Variants in CADPS observed in about 807,000 individuals in gnomAD.
CADPS encodes calcium-dependent secretion activator 1.
Under a neutral mutation model 167.3 loss-of-function variants are expected in CADPS, and 57 were observed. The ratio of observed to expected loss-of-function variants is 0.34; its 90% CI spans 0.28 to 0.42. The LOEUF is 0.42. Ranked by LOEUF, CADPS falls within the 20% of genes least tolerant of loss-of-function variation. The pLI is 1.00. For missense variants in CADPS, 1,414 were observed against 1,738.1 expected (o/e 0.81, Z 3.32); for synonymous variants, 676 against 635.3 (o/e 1.06, Z -0.96).
At chr3:62,765,789 C>G in intron 2 of CADPS, 82 bp downstream of exon 2, 1 of 786,292 alleles carries the variant, frequency 1.3e-6, no homozygotes, top group Non-Finnish European at 2.1e-6. Flanking sequence ...ACCAAAACGA[C>G]TGTCCCCATT....
intron 13 of CADPS, among the ~76,000 whole-genome samples, chr3:62,525,736 C>T (rs1205137267): frequency 7.0e-6 from 1 of 143,800 alleles, no homozygotes; most frequent in Non-Finnish European, 1.5e-5. Context: ...TGTGTATGCA[C>T]GGGTATGAGA....
chr3:62,603,937 C>T (rs2060326503), intron 6 of CADPS, among the ~76,000 whole-genome samples: 1 of 151,982 alleles, frequency 6.6e-6, no homozygotes, highest in South Asian at 2.1e-4. Context: ...TGCCATTCTC[C>T]TGCCTCAGCT....
At chr3:62,461,815 T>C (rs2059383141) in intron 26 of CADPS, among the ~76,000 whole-genome samples, 2 of 152,190 alleles carry the variant, frequency 1.3e-5, no homozygotes, top group African/African-American at 4.8e-5. Flanking sequence ...CCGGATAATT[T>C]TCTTTCATTT....
chr3:62,626,470 C>A (rs2248013), intron 6 of CADPS: 356,164 of 700,644 alleles, frequency 0.51, 91,978 homozygotes, highest in Non-Finnish European at 0.53. Context: ...TGTGACTCTT[C>A]AAGCACAAAT....
chr3:62,795,378 G>T (rs367863467), intron 1 of CADPS, among the ~76,000 whole-genome samples: 5 of 151,996 alleles, frequency 3.3e-5, no homozygotes, highest in East Asian at 1.9e-4. Context: ...ATATGCCCTA[G>T]ATGTAAGCTC....
intron 3 of CADPS, among the ~76,000 whole-genome samples, chr3:62,671,393 TG>T (rs1433989705): frequency 6.6e-6 from 1 of 151,762 alleles, no homozygotes; most frequent in Non-Finnish European, 1.5e-5. Flanking sequence ...AAGAAGAGAG[TG>T]GGTGTTGTCT....
chr3:62,812,820 G>T (rs149585774), intron 1 of CADPS, among the ~76,000 whole-genome samples: 140 of 152,254 alleles, frequency 9.2e-4, no homozygotes, highest in African/African-American at 3.3e-3. Flanking sequence ...CCAGGCAAAT[G>T]ATTTATTTAT....
At chr3:62,684,520 A>G (rs995996283) in intron 3 of CADPS, among the ~76,000 whole-genome samples, 1 of 152,100 alleles carries the variant, frequency 6.6e-6, no homozygotes, top group Admixed American at 6.5e-5. Context: ...GTTACTGGGG[A>G]AAGAAAGATT....
rs1201402241 is a variant in CADPS at position 62,446,789 on chromosome 3, T to C, written c.3637-992A>G. Among the ~76,000 whole-genome samples the C allele has an allele frequency of 1.3e-5, 2 of 152,160 alleles. No individual in the cohort carries two copies. Among genetic ancestry groups the C allele is most frequent in the Non-Finnish European group, 2.9e-5 (2 of 68,032 alleles). ...TCTGTGTGTTTCATTTTGACTCAGGTCACACATGTTTCTCTAGGCACAATT... is the reference window on the plus strand; with the variant it reads ...TCTGTGTGTTTCATTTTGACTCAGGCCACACATGTTTCTCTAGGCACAATT... On this transcript the variant is annotated intron_variant, in intron 26 of 29. Coordinates refer to ENST00000383710, the MANE Select transcript of CADPS (RefSeq NM_003716.4). The surrounding 1 kb of genome is among the most constrained non-coding windows in gnomAD (Gnocchi z 4.9).
chr3:62,581,353 T>C (rs1322119241), intron 8 of CADPS, among the ~76,000 whole-genome samples: 1 of 151,910 alleles, frequency 6.6e-6, no homozygotes, highest in East Asian at 1.9e-4. Context: ...TTTTCTTCTA[T>C]TATGTCTTTT....
intron 16 of CADPS, chr3:62,513,724 G>T: frequency 6.4e-7 from 1 of 1,551,314 alleles, no homozygotes; most frequent in Non-Finnish European, 8.8e-7. Flanking sequence ...AGAGGATTTG[G>T]GCATGCAAGA....
intron 6 of CADPS, chr3:62,626,194 C>G (rs1174394952): frequency 9.7e-6 from 2 of 205,782 alleles, no homozygotes; most frequent in African/African-American, 4.7e-5. Context: ...AGAATTAACA[C>G]GTTCACTTGA....
At chr3:62,866,276 T>C (rs1236696357) in intron 1 of CADPS, among the ~76,000 whole-genome samples, 8 of 152,102 alleles carry the variant, frequency 5.3e-5, no homozygotes, top group African/African-American at 1.9e-4. Flanking sequence ...GAGAAGCTTT[T>C]ATAAAAGTAA....
intron 1 of CADPS, among the ~76,000 whole-genome samples, chr3:62,828,525 A>G (rs78615477): frequency 1.3e-3 from 196 of 152,310 alleles, no homozygotes; most frequent in African/African-American, 4.6e-3. Context: ...AATCTGCACC[A>G]AAGGGCAAAC....
In CADPS at chr3:62,560,221, G is replaced by C. The variant is rs550744303; in HGVS notation, c.1645-2708C>G. Reference sequence around the variant, plus strand: ...TGATTCTAATTATTGGAAATTTTGGGGGGAATCTCACTTTTTATAGACTGA... The same window carrying C: ...TGATTCTAATTATTGGAAATTTTGGCGGGAATCTCACTTTTTATAGACTGA... On this transcript the variant is annotated intron_variant, in intron 9 of 29. Coordinates refer to ENST00000383710, the MANE Select transcript of CADPS (RefSeq NM_003716.4). Among the ~76,000 whole-genome samples the C allele has an allele frequency of 3.3e-5, 5 of 152,216 alleles. No homozygotes were observed. In the South Asian group the frequency reaches 8.3e-4, roughly 25 times the overall value.
At chr3:62,706,441 T>G (rs1356651323) in intron 3 of CADPS, among the ~76,000 whole-genome samples, 2 of 152,056 alleles carry the variant, frequency 1.3e-5, no homozygotes, top group Non-Finnish European at 2.9e-5. Context: ...TATCTTGAAA[T>G]AGGAGAGAAA....
chr3:62,817,783 T>C (rs1165262682), intron 1 of CADPS, among the ~76,000 whole-genome samples: 1 of 152,170 alleles, frequency 6.6e-6, no homozygotes, highest in Non-Finnish European at 1.5e-5. Flanking sequence ...GCTAGATAAA[T>C]TGGTACAATG....
chr3:62,840,760 C>G (rs2076542128), intron 1 of CADPS, among the ~76,000 whole-genome samples: 1 of 152,112 alleles, frequency 6.6e-6, no homozygotes, highest in Admixed American at 6.6e-5. Flanking sequence ...TATCCTGGAG[C>G]AGCAGAACTG....
chr3:62,481,892 G>A, intron 21 of CADPS, 23 bp from the exon 22 acceptor site: 2 of 1,596,638 alleles, frequency 1.3e-6, no homozygotes, highest in Admixed American at 1.8e-5. Context: ...CAGACAGAAA[G>A]AAAAAATACC....
Sources: allele counts gnomAD v4.1 joint callset (sites outside exome capture counted in the v4.1 genomes callset), GRCh38; gene constraint gnomAD v4.1.1; non-coding constraint Gnocchi (gnomAD v3.1); transcripts MANE v1.5; gene names NCBI Gene and HGNC (gene_info 2026-07-23, HGNC 2026-07-21).